The following GRID2IP variants were observed in gnomAD, a reference collection of about 807,000 sequenced individuals.
The protein encoded by GRID2IP is delphilin.
In GRID2IP, 78 loss-of-function variants were observed where a neutral mutation model predicts 114.3. That is an observed-to-expected ratio of 0.68 (90% CI 0.57 to 0.82). The LOEUF is 0.82. Among genes scored for constraint, GRID2IP ranks in the 40% least tolerant of loss-of-function variants. GRID2IP has a pLI of 0.00. For synonymous variants in GRID2IP, 809 were observed against 724.0 expected, an observed-to-expected ratio of 1.12 and a Z score of -1.89; for missense variants, 1,727 against 1,678.5, an observed-to-expected ratio of 1.03 and a Z score of -0.51.
chr7:6,498,093 T>A lies in GRID2IP; in HGVS notation c.3535A>T (p.Ile1179Phe). ...AATTTGCTCATGAACTCTGCAAAGA[T>A]GCCGAAGAAAGCCTCAGAGGTGGTG... The part of the protein sequence containing the change: ...KATTSEAFFG[I>F]FAEFMSKFER... Residue 1179 changes from isoleucine to phenylalanine, a missense_variant, in exon 21 of 22, where the codon ATC becomes TTC. Ile to Phe is a conservative substitution (Grantham distance 21). Coordinates refer to ENST00000457091, the MANE Select transcript of GRID2IP (RefSeq NM_001145118.2). The A allele has an allele frequency of 6.4e-7, 1 of 1,551,530 alleles. No individual in the cohort carries two copies. Among genetic ancestry groups the A allele is most frequent in the Non-Finnish European group, 8.7e-7 (1 of 1,146,910 alleles).
intron 2 of GRID2IP, among the ~76,000 whole-genome samples, chr7:6,533,551 A>G (rs1318308535): frequency 1.3e-5 from 2 of 151,762 alleles, no homozygotes; most frequent in Non-Finnish European, 2.9e-5. Context: ...GTGTGTAAAC[A>G]TGGGGTCTCG....
Position 6,503,748 on chromosome 7 carries a change from G to T in GRID2IP, c.2711-61C>A. ...CGGAGCGGGGCCGGATGGGACCCAA[G>T]ACGGAGAGGGCAGGGCAGAGGCGGG... On this transcript the variant is annotated intron_variant, in intron 15 of 21. Coordinates refer to ENST00000457091, the MANE Select transcript of GRID2IP (RefSeq NM_001145118.2). The T allele has an allele frequency of 6.2e-6, 8 of 1,296,044 alleles. No homozygotes were observed. The South Asian group carries it at 1.2e-4, about 20-fold the overall frequency. 80.3% of individuals were successfully genotyped at this position (1,296,044 alleles called of 1,614,324 possible).
chr7:6,520,854 A>G lies in GRID2IP; in HGVS notation c.1085-93T>C. 1.6e-6 allele frequency: 2 copies of G among 1,250,612 alleles called. No homozygotes were observed. Among genetic ancestry groups the G allele is most frequent in the Non-Finnish European group, 2.2e-6 (2 of 905,468 alleles). 77.5% of individuals were successfully genotyped at this position (1,250,612 alleles called of 1,614,324 possible). On this transcript the variant is annotated intron_variant, in intron 6 of 21. Coordinates refer to ENST00000457091, the MANE Select transcript of GRID2IP (RefSeq NM_001145118.2). This position sits in a 1 kb window ranked among gnomAD's most constrained non-coding sequence, Gnocchi z 4.6. ...GCTTTTGAGGTCAGGAGACCTCCTGAGCTGGGGTGTGGCTGTCCAGTGCCA... is the reference window on the plus strand; with the variant it reads ...GCTTTTGAGGTCAGGAGACCTCCTGGGCTGGGGTGTGGCTGTCCAGTGCCA...
At chr7:6,539,687 G>A (rs1057096589) in intron 2 of GRID2IP, 31 bp downstream of exon 2, 1 of 1,520,298 alleles carries the variant, frequency 6.6e-7, no homozygotes, top group South Asian at 1.2e-5. Flanking sequence ...GACCCACCCT[G>A]CCTGTCTATC....
At chr7:6,510,469 G>T in intron 10 of GRID2IP, 69 bp from the exon 11 acceptor site, 1 of 1,355,874 alleles carries the variant, frequency 7.4e-7, no homozygotes, top group South Asian at 1.5e-5. Flanking sequence ...GTCCAGGCCT[G>T]GGTGGGCCGG....
chr7:6,538,056 C>T (rs1779755888), intron 2 of GRID2IP, among the ~76,000 whole-genome samples: 1 of 152,018 alleles, frequency 6.6e-6, no homozygotes, highest in Non-Finnish European at 1.5e-5. Flanking sequence ...TGCTGAGGTC[C>T]TTGGCACACA....
intron 7 of GRID2IP, 137 bp from the exon 8 acceptor site, chr7:6,514,666 T>C: frequency 2.8e-6 from 2 of 725,080 alleles, no homozygotes; most frequent in Non-Finnish European, 4.0e-6. Flanking sequence ...AAGACAGAAG[T>C]GGGGGCCGGG....
rs532558315 is a variant in GRID2IP at position 6,506,975 on chromosome 7, G to C, written c.2544+1010C>G. Among the ~76,000 whole-genome samples, 1 of 152,258 alleles carries C rather than the reference G, an allele frequency of 6.6e-6. No homozygotes were observed. Among genetic ancestry groups the C allele is most frequent in the Admixed American group, 6.5e-5 (1 of 15,288 alleles). ...TGGGATTACAGGCGTGAACCACCAA[G>C]CCTGGCCTCAATGGGCATCTTTATT... On this transcript the variant is annotated intron_variant, in intron 13 of 21. Coordinates refer to ENST00000457091, the MANE Select transcript of GRID2IP (RefSeq NM_001145118.2). The surrounding 1 kb of genome is among the most constrained non-coding windows in gnomAD (Gnocchi z 5.2).
At position 6,510,948 on chromosome 7, in the gene GRID2IP, G is replaced by T; in HGVS notation, c.1515C>A (p.Arg505=). 6.5e-7 allele frequency: 1 copy of T among 1,549,012 alleles called. No homozygotes were observed. Among genetic ancestry groups the T allele is most frequent in the East Asian group, 2.5e-5 (1 of 40,418 alleles). ...CCTCCAGGCCCTGGGACCGGAGGCT[G>T]CGGCGGCACATGGAGGAAGCCCGCA... ...SSLRASSMCR[R]SLRSQGLEAG... The change falls in exon 9 of 22, where the codon CGC becomes CGA. Residue 505 remains arginine (R), a synonymous_variant. Coordinates refer to ENST00000457091, the MANE Select transcript of GRID2IP (RefSeq NM_001145118.2).
rs192102556 is a variant in GRID2IP, at chr7:6,505,122, C to T, written c.2633-252G>A. Among the ~76,000 whole-genome samples, 330 of 152,240 alleles carry T rather than the reference C, an allele frequency of 2.2e-3. 4 individuals carry two copies. Among genetic ancestry groups the T allele is most frequent in the African/African-American group, 7.0e-3 (290 of 41,524 alleles). On this transcript the variant is annotated intron_variant, in intron 14 of 21. Coordinates refer to ENST00000457091, the MANE Select transcript of GRID2IP (RefSeq NM_001145118.2). The stretch of plus-strand genomic sequence containing the variant: ...AGGTCTTTCTGTTCCATCCTGGGAC[C>T]GCCTGTTCCACCCATCAACGACAGG...
Position 6,498,099 on chromosome 7 carries a change from A to G in GRID2IP, c.3529T>C (p.Phe1177Leu). Residue 1177 changes from phenylalanine (F) to leucine (L), a missense_variant, in exon 21 of 22, where the codon TTC becomes CTC. Physicochemically the swap from Phe to Leu is conservative, Grantham distance 22. Transcript: ENST00000457091. The stretch of plus-strand genomic sequence containing the variant: ...CTCATGAACTCTGCAAAGATGCCGA[A>G]GAAAGCCTCAGAGGTGGTGGCCTTG... ...DSKATTSEAF[F>L]GIFAEFMSKF... The G allele has an allele frequency of 6.4e-7, 1 of 1,551,628 alleles. No homozygotes were observed. Among genetic ancestry groups the G allele is most frequent in the Non-Finnish European group, 8.7e-7 (1 of 1,146,934 alleles).
intron 2 of GRID2IP, among the ~76,000 whole-genome samples, chr7:6,533,772 A>G (rs753297749): frequency 5.3e-5 from 8 of 151,538 alleles, no homozygotes; most frequent in Non-Finnish European, 8.8e-5. Context: ...CAGCCTCCCA[A>G]AATGTTGGGA....
intron 2 of GRID2IP, among the ~76,000 whole-genome samples, chr7:6,537,412 C>T (rs1274512496): frequency 8.8e-6 from 1 of 113,136 alleles, no homozygotes; most frequent in African/African-American, 3.4e-5. Context: ...GAGTCTTGCT[C>T]TGTTGGCAGG....
At chr7:6,504,953 A>G in intron 14 of GRID2IP, 83 bp from the exon 15 acceptor site, 1 of 1,061,526 alleles carries the variant, frequency 9.4e-7, no homozygotes, top group Non-Finnish European at 1.4e-6. Context: ...GTCACAGCCA[A>G]CAGCCACTAT....
chr7:6,547,308 A>G (rs1030489714), intron 1 of GRID2IP, among the ~76,000 whole-genome samples: 8 of 152,110 alleles, frequency 5.3e-5, no homozygotes, highest in African/African-American at 1.9e-4. Context: ...TGGGAGGCTG[A>G]GGCAGGAGAA....
At chr7:6,510,506 G>T in intron 10 of GRID2IP, 103 bp downstream of exon 10, 1 of 1,295,236 alleles carries the variant, frequency 7.7e-7, no homozygotes, top group Non-Finnish European at 1.0e-6. Flanking sequence ...CCAGCCTGAA[G>T]CAGCACAGGG....
Position 6,550,142 on chromosome 7 carries a change from C to T in GRID2IP, c.429+866G>A, listed in dbSNP as rs547002999. Among the ~76,000 whole-genome samples the T allele has an allele frequency of 2.6e-5, 4 of 152,122 alleles. No homozygotes were observed. In the East Asian group the frequency reaches 5.8e-4, roughly 22 times the overall value. On this transcript the variant is annotated intron_variant, in intron 1 of 21. Transcript: ENST00000457091. ...AGTATCTGGGACTATAAGGCATGCA[C>T]CACCATGCCAAGCTAGTTTTTGATT...
chr7:6,499,701 G>A (rs973860082), intron 20 of GRID2IP, among the ~76,000 whole-genome samples: 2 of 152,062 alleles, frequency 1.3e-5, no homozygotes, highest in Admixed American at 6.6e-5. Context: ...AAAGTGCTGG[G>A]ATTACAGGCG....
At chr7:6,515,132 T>C (rs542597751) in intron 7 of GRID2IP, among the ~76,000 whole-genome samples, 43 of 151,838 alleles carry the variant, frequency 2.8e-4, no homozygotes, top group Non-Finnish European at 5.7e-4. Flanking sequence ...GGGATAAAAA[T>C]AGCATCTACC....
Sources: allele counts gnomAD v4.1 joint callset (sites outside exome capture counted in the v4.1 genomes callset), GRCh38; gene constraint gnomAD v4.1.1; non-coding constraint Gnocchi (gnomAD v3.1); transcripts MANE v1.5; gene names NCBI Gene and HGNC (gene_info 2026-07-23, HGNC 2026-07-21).